PCDH15: variants seen among roughly 807,000 people sequenced by gnomAD.
PCDH15 encodes protocadherin-15.
In PCDH15, 129 loss-of-function variants were observed where a neutral mutation model predicts 178.5. The ratio of observed to expected loss-of-function variants is 0.72; its 90% CI spans 0.63 to 0.84. The LOEUF (loss-of-function observed/expected upper bound fraction) is 0.84, where lower values mean the gene tolerates loss of function less well. PCDH15 is among the 40% of genes least tolerant of loss of function. The pLI is 0.00. For missense variants in PCDH15, 2,230 were observed against 2,099.9 expected (o/e 1.06, Z -1.21); for synonymous variants, 800 against 732.0 (o/e 1.09, Z -1.50).
chr10:55,508,055 C>T (rs1426923595), intron 2 of PCDH15, among the ~76,000 whole-genome samples: 1 of 151,504 alleles, frequency 6.6e-6, no homozygotes, highest in Non-Finnish European at 1.5e-5. Flanking sequence ...GAAAAAACAT[C>T]CCGGACACTT....
intron 7 of PCDH15, among the ~76,000 whole-genome samples, chr10:54,317,977 G>A (rs7922586): frequency 6.6e-6 from 1 of 151,934 alleles, no homozygotes; most frequent in Admixed American, 6.6e-5. Flanking sequence ...TTACCTAACA[G>A]TTCACATTAC....
chr10:55,027,019 G>A (rs899135720), intron 2 of PCDH15, among the ~76,000 whole-genome samples: 16 of 151,892 alleles, frequency 1.1e-4, no homozygotes, highest in African/African-American at 3.6e-4. Flanking sequence ...TCTGCATTTG[G>A]AGCATAAGAG....
At chr10:53,858,592 C>T (rs1260415558) in intron 27 of PCDH15, among the ~76,000 whole-genome samples, 2 of 152,062 alleles carry the variant, frequency 1.3e-5, no homozygotes, top group South Asian at 2.1e-4. Flanking sequence ...ATCTATCAAA[C>T]CATTGTGTGA....
chr10:54,245,936 C>A (rs1019680089), intron 8 of PCDH15, among the ~76,000 whole-genome samples: 1 of 151,604 alleles, frequency 6.6e-6, no homozygotes, highest in Non-Finnish European at 1.5e-5. Context: ...CTATGAGATA[C>A]CTTCATAAAT....
At chr10:54,039,201 A>G (rs2093485160) in intron 18 of PCDH15, among the ~76,000 whole-genome samples, 1 of 152,022 alleles carries the variant, frequency 6.6e-6, no homozygotes, top group Non-Finnish European at 1.5e-5. Context: ...ATTTGAATTT[A>G]GAGTATGAAT....
chr10:54,608,364 A>C lies in PCDH15; in HGVS notation c.91+55808T>G, dbSNP rs2092839675. Among the ~76,000 whole-genome samples, 3 of 151,844 alleles carry C rather than the reference A, an allele frequency of 2.0e-5. No homozygotes were observed. In the South Asian group the frequency reaches 6.2e-4, roughly 32 times the overall value. On this transcript the variant is annotated intron_variant, in intron 2 of 37. Transcript: ENST00000644397. ...GGGTACACCTATAGTCCAGCCACTT[A>C]GAGAGGCTGATGTGGGAGAAACGCT...
chr10:53,882,247 G>T (rs1256905731), intron 26 of PCDH15, among the ~76,000 whole-genome samples: 1 of 150,832 alleles, frequency 6.6e-6, no homozygotes, highest in Admixed American at 6.7e-5. Context: ...TCATTCACTT[G>T]ATACACTGTT....
At chr10:54,515,304 A>G (rs2082098332) in intron 3 of PCDH15, among the ~76,000 whole-genome samples, 2 of 152,234 alleles carry the variant, frequency 1.3e-5, no homozygotes, top group South Asian at 4.1e-4. Context: ...ACGGGCTTAA[A>G]AAACGGCACA....
chr10:54,222,926 G>C (rs1433636358), intron 9 of PCDH15, among the ~76,000 whole-genome samples: 1 of 152,046 alleles, frequency 6.6e-6, no homozygotes, highest in Non-Finnish European at 1.5e-5. Flanking sequence ...TCAGTCTATT[G>C]TCAGTGCCTT....
At chr10:55,602,470 G>A (rs1843109368) in intron 2 of PCDH15, among the ~76,000 whole-genome samples, 1 of 152,112 alleles carries the variant, frequency 6.6e-6, no homozygotes, top group African/African-American at 2.4e-5. Flanking sequence ...AGTAACCTCT[G>A]CAGACTTAAA....
intron 2 of PCDH15, chr10:54,600,659 A>G (rs2092479550): frequency 1.8e-6 from 1 of 570,956 alleles, no homozygotes; most frequent in Non-Finnish European, 3.3e-6. Context: ...ATGCCGTAAT[A>G]AAGGAAGTCA....
chr10:53,824,819 GGTTT>G (rs1254040076), intron 32 of PCDH15, among the ~76,000 whole-genome samples: 4 of 151,708 alleles, frequency 2.6e-5, no homozygotes, highest in East Asian at 3.9e-4. Flanking sequence ...TCTATAAATA[GGTTT>G]CTATTTATAG....
At chr10:53,935,466 T>G (rs919796375) in intron 25 of PCDH15, among the ~76,000 whole-genome samples, 6 of 152,170 alleles carry the variant, frequency 3.9e-5, no homozygotes, top group African/African-American at 1.4e-4. Context: ...GTGTACCATG[T>G]AATGTAAAAG....
chr10:55,283,530 G>A (rs183717686), intron 1 of PCDH15, among the ~76,000 whole-genome samples: 3 of 151,756 alleles, frequency 2.0e-5, no homozygotes, highest in East Asian at 1.9e-4. Flanking sequence ...AACCCACTGG[G>A]CAGTTACAGA....
At chr10:54,669,205 C>A (rs1395972583) in intron 1 of PCDH15, among the ~76,000 whole-genome samples, 2 of 151,902 alleles carry the variant, frequency 1.3e-5, no homozygotes, top group South Asian at 2.1e-4. Context: ...TACTTATCAC[C>A]CTTCAGCATT....
intron 2 of PCDH15, among the ~76,000 whole-genome samples, chr10:55,061,102 G>A (rs897003156): frequency 1.3e-5 from 2 of 152,004 alleles, no homozygotes; most frequent in Non-Finnish European, 2.9e-5. Context: ...AAAATTTTCT[G>A]TTCTCCATAA....
At chr10:53,995,564 T>C (rs776623892) in intron 21 of PCDH15, 85 bp downstream of exon 21, 44 of 1,610,992 alleles carry the variant, frequency 2.7e-5, no homozygotes, top group Non-Finnish European at 3.6e-5. Flanking sequence ...GAGACTACTT[T>C]TGCTGTCTTG....
chr10:54,664,432 A>C, intron 1 of PCDH15, 142 bp from the exon 2 acceptor site: 1 of 644,814 alleles, frequency 1.6e-6, no homozygotes, highest in South Asian at 1.7e-5. Context: ...AAAGTAACAC[A>C]CTGGTTTAAT....
intron 1 of PCDH15, among the ~76,000 whole-genome samples, chr10:54,716,192 G>T (rs1260953157): frequency 6.6e-6 from 1 of 152,122 alleles, no homozygotes; most frequent in Non-Finnish European, 1.5e-5. Flanking sequence ...CTTTCCTAAG[G>T]AGGAAGGTGA....
Sources: allele counts gnomAD v4.1 joint callset (sites outside exome capture counted in the v4.1 genomes callset), GRCh38; gene constraint gnomAD v4.1.1; transcripts MANE v1.5; gene names NCBI Gene and HGNC (gene_info 2026-07-23, HGNC 2026-07-21).